The following EEFSEC variants were observed in gnomAD, a reference collection of about 807,000 sequenced individuals.
EEFSEC encodes eukaryotic elongation factor, selenocysteine-tRNA specific.
A neutral mutation model predicts 42.1 loss-of-function variants in EEFSEC; 43 were observed. The ratio of observed to expected loss-of-function variants is 1.02; its 90% CI spans 0.80 to 1.32. The LOEUF is 1.32. Ranked by LOEUF, EEFSEC falls within the 40% of genes most tolerant of loss-of-function variation. EEFSEC has a pLI of 0.00. For synonymous variants in EEFSEC, 354 were observed against 339.1 expected, an observed-to-expected ratio of 1.04 and a Z score of -0.48; for missense variants, 745 against 803.6, an observed-to-expected ratio of 0.93 and a Z score of 0.88.
chr3:128,340,412 ATATT>A (rs1303357461), intron 4 of EEFSEC, among the ~76,000 whole-genome samples: 1 of 150,512 alleles, frequency 6.6e-6, no homozygotes, highest in Non-Finnish European at 1.5e-5. Context: ...TGTAATTTAT[ATATT>A]AATTTTATAT....
At chr3:128,182,696 T>G (rs2065421330) in intron 1 of EEFSEC, among the ~76,000 whole-genome samples, 1 of 152,222 alleles carries the variant, frequency 6.6e-6, no homozygotes, top group Admixed American at 6.5e-5. Context: ...ACAGGGTCAG[T>G]TCCTAGAGAC....
intron 1 of EEFSEC, among the ~76,000 whole-genome samples, chr3:128,163,021 C>G (rs1209172154): frequency 6.6e-6 from 1 of 152,216 alleles, no homozygotes. Flanking sequence ...CAGGAAACAA[C>G]CCATAAATTA....
chr3:128,382,413 G>A (rs1011348038), intron 6 of EEFSEC, among the ~76,000 whole-genome samples: 6 of 152,162 alleles, frequency 3.9e-5, no homozygotes, highest in African/African-American at 1.2e-4. Context: ...GTGTGGGCTC[G>A]GCTCCATGCA....
the EEFSEC span, among the ~76,000 whole-genome samples, chr3:128,419,962 G>A: frequency 0.034 from 5,196 of 152,266 alleles, 138 homozygotes; most frequent in South Asian, 0.071. Flanking sequence ...CGGGAGGGGG[G>A]ACAGCCAAGA....
intron 2 of EEFSEC, among the ~76,000 whole-genome samples, chr3:128,248,554 G>A (rs984197700): frequency 1.3e-5 from 2 of 152,158 alleles, no homozygotes; most frequent in South Asian, 2.1e-4. Flanking sequence ...TATTCCCAGC[G>A]GAAGTGGATA....
At chr3:128,179,234 G>A (rs1415967732) in intron 1 of EEFSEC, among the ~76,000 whole-genome samples, 1 of 152,168 alleles carries the variant, frequency 6.6e-6, no homozygotes, top group Non-Finnish European at 1.5e-5. Flanking sequence ...AACATGTTCT[G>A]TGCAGGCGAA....
At chr3:128,283,395 T>TAC (rs1216021085) in intron 4 of EEFSEC, among the ~76,000 whole-genome samples, 2 of 152,214 alleles carry the variant, frequency 1.3e-5, no homozygotes, top group Non-Finnish European at 2.9e-5. Flanking sequence ...AAGTGAAAAG[T>TAC]CAGGGTACTT....
chr3:128,223,260 G>A (rs2065878096), intron 1 of EEFSEC, among the ~76,000 whole-genome samples: 1 of 152,226 alleles, frequency 6.6e-6, no homozygotes, highest in South Asian at 2.1e-4. Context: ...TTCACCCCAT[G>A]TGTCTCTTCA....
chr3:128,308,091 G>A (rs1443828914), intron 4 of EEFSEC, among the ~76,000 whole-genome samples: 2 of 152,344 alleles, frequency 1.3e-5, no homozygotes, highest in Admixed American at 6.5e-5. Flanking sequence ...CATGCTCTGC[G>A]CCCACAGTTA....
At chr3:128,197,395 C>A (rs1006081274) in intron 1 of EEFSEC, among the ~76,000 whole-genome samples, 1 of 152,312 alleles carries the variant, frequency 6.6e-6, no homozygotes, top group South Asian at 2.1e-4. Flanking sequence ...CTCAGCCTCC[C>A]AAGTAGCTGG....
chr3:128,357,433 T>C (rs192842525), intron 5 of EEFSEC, among the ~76,000 whole-genome samples: 14 of 152,360 alleles, frequency 9.2e-5, no homozygotes, highest in Admixed American at 7.8e-4. Flanking sequence ...GTATGAGCTC[T>C]GCAAAGACCT....
At chr3:128,245,863 T>A (rs542147020) in intron 1 of EEFSEC, among the ~76,000 whole-genome samples, 1 of 152,168 alleles carries the variant, frequency 6.6e-6, no homozygotes, top group East Asian at 1.9e-4. Flanking sequence ...CTTCCCTCTA[T>A]CCCCAGCAGT....
chr3:128,225,270 A>C (rs1431362521), intron 1 of EEFSEC, among the ~76,000 whole-genome samples: 1 of 152,220 alleles, frequency 6.6e-6, no homozygotes, highest in Non-Finnish European at 1.5e-5. Context: ...TGGATGCCAC[A>C]GTGAGGCAAG....
At chr3:128,213,933 A>G (rs1300211196) in intron 1 of EEFSEC, among the ~76,000 whole-genome samples, 1 of 152,220 alleles carries the variant, frequency 6.6e-6, no homozygotes, top group Non-Finnish European at 1.5e-5. Flanking sequence ...CAGCCAAGTA[A>G]AGAGCAGGTG....
At chr3:128,351,554 C>T (rs1221619246) in intron 5 of EEFSEC, among the ~76,000 whole-genome samples, 1 of 152,226 alleles carries the variant, frequency 6.6e-6, no homozygotes, top group Non-Finnish European at 1.5e-5. Context: ...CATTTCATGG[C>T]ACGTTTGCCT....
rs540651311 is a variant in EEFSEC at position 128,330,350 on chromosome 3, C to G, written c.787-10883C>G. Among the ~76,000 whole-genome samples the G allele has an allele frequency of 7.6e-4, 115 of 152,178 alleles. 9 individuals carry two copies. Among genetic ancestry groups the G allele is most frequent in the Non-Finnish European group, 2.8e-4 (19 of 68,030 alleles). ...ATCATTCCCTTCCTCTCAGAGTGTG[C>G]CCCATGTGGCAGGCACTGTGCTGAG... On this transcript the variant is annotated intron_variant, in intron 4 of 6. Coordinates refer to ENST00000254730, the MANE Select transcript of EEFSEC (RefSeq NM_021937.5).
chr3:128,244,441 AG>A (rs1326917417), intron 1 of EEFSEC, among the ~76,000 whole-genome samples: 2 of 149,848 alleles, frequency 1.3e-5, no homozygotes, highest in Non-Finnish European at 3.0e-5. Flanking sequence ...GTTAAAAAAC[AG>A]GGAGCCTCCC....
intron 4 of EEFSEC, among the ~76,000 whole-genome samples, chr3:128,301,669 G>A (rs1399411727): frequency 6.6e-6 from 1 of 152,128 alleles, no homozygotes; most frequent in Non-Finnish European, 1.5e-5. Flanking sequence ...CTTTTCCCTA[G>A]TGGCAACTTT....
At chr3:128,393,475 G>C (rs1369534775) in intron 6 of EEFSEC, among the ~76,000 whole-genome samples, 1 of 152,208 alleles carries the variant, frequency 6.6e-6, no homozygotes, top group East Asian at 1.9e-4. Flanking sequence ...AGCCCTTGGA[G>C]CCCAGGCTTC....
Sources: gnomAD v4.1 joint callset for allele counts (sites outside exome capture counted in the v4.1 genomes callset) on GRCh38, gnomAD v4.1.1 for gene constraint, MANE v1.5 for transcripts, NCBI Gene and HGNC (gene_info 2026-07-23, HGNC 2026-07-21) for gene names.